Variants in R3HDM1 observed in about 807,000 individuals in gnomAD.
R3HDM1 encodes the protein R3H domain containing 1, also known as R3H domain-containing protein 1.
A neutral mutation model predicts 141.1 loss-of-function variants in R3HDM1; 46 were observed. The observed-to-expected ratio is 0.33, with a 90% CI of 0.26 to 0.42. The LOEUF is 0.42. Ranked by LOEUF, R3HDM1 falls within the 10% of genes least tolerant of loss-of-function variation. R3HDM1 has a pLI of 1.00. For synonymous variants in R3HDM1, 435 were observed against 472.9 expected (o/e 0.92, Z 1.04); for missense variants, 1,184 against 1,368.3 (o/e 0.87, Z 2.12).
At chr2:135,573,889 A>T (rs1484747129) in intron 1 of R3HDM1, among the ~76,000 whole-genome samples, 1 of 152,168 alleles carries the variant, frequency 6.6e-6, no homozygotes, top group Non-Finnish European at 1.5e-5. Flanking sequence ...GTGCTTTAAT[A>T]AAAAAATTTA....
rs202048513 is a variant in R3HDM1 at position 135,538,939 on chromosome 2, TGTTG to T, written c.-250+7307_-250+7310del. On this transcript the variant is annotated intron_variant, in intron 1 of 26. Transcript: ENST00000683871. ...TAAAAGTTTTTGTTGTTGTTGTTGT[TGTTG>T]TTGTTTTTCCTTTAAAATTTTTTGT... Among the ~76,000 whole-genome samples, 453 of 152,292 alleles carry T rather than the reference TGTTG, an allele frequency of 3.0e-3. 3 individuals carry two copies. Among genetic ancestry groups the T allele is most frequent in the African/African-American group, 0.01 (422 of 41,564 alleles).
chr2:135,556,964 T>A (rs931945593), intron 1 of R3HDM1, among the ~76,000 whole-genome samples: 3 of 152,222 alleles, frequency 2.0e-5, no homozygotes, highest in East Asian at 1.9e-4. Context: ...CCTTTTTTTT[T>A]AAACCCAAAG....
At chr2:135,558,060 A>G (rs953261496) in intron 1 of R3HDM1, among the ~76,000 whole-genome samples, 4 of 152,242 alleles carry the variant, frequency 2.6e-5, no homozygotes, top group African/African-American at 9.6e-5. Flanking sequence ...GTAATAAAAC[A>G]TTAGAAATAT....
intron 1 of R3HDM1, among the ~76,000 whole-genome samples, chr2:135,600,089 A>G (rs2059498019): frequency 1.3e-5 from 2 of 149,534 alleles, no homozygotes; most frequent in South Asian, 2.1e-4. Context: ...GGAGAAGAAT[A>G]CAAAGTTCGT....
chr2:135,564,531 C>A (rs1475149146), intron 1 of R3HDM1, among the ~76,000 whole-genome samples: 1 of 152,106 alleles, frequency 6.6e-6, no homozygotes, highest in African/African-American at 2.4e-5. Flanking sequence ...TTTGACCAAG[C>A]TGGTCTTAAA....
Position 135,714,947 on chromosome 2 carries a change from A to G in R3HDM1, c.2737-603A>G, listed in dbSNP as rs572251848. ...GTTCGCTGTATGTATTCTCTCATGC[A>G]AAAGTATCGGCAATATTATTGCCAA... On this transcript the variant is annotated intron_variant, in intron 23 of 26. Transcript: ENST00000683871. Among the ~76,000 whole-genome samples, 4 of 152,340 alleles carry G rather than the reference A, an allele frequency of 2.6e-5. No homozygotes were observed. The South Asian group carries it at 8.3e-4, about 32-fold the overall frequency.
At chr2:135,555,758 GC>G (rs2104942179) in intron 1 of R3HDM1, among the ~76,000 whole-genome samples, 1 of 152,298 alleles carries the variant, frequency 6.6e-6, no homozygotes, top group South Asian at 2.1e-4. Context: ...CAGGCGAGTG[GC>G]TCATATCTGT....
intron 24 of R3HDM1, 101 bp downstream of exon 24, chr2:135,715,795 T>A (rs1485334571): frequency 1.4e-6 from 2 of 1,401,088 alleles, no homozygotes; most frequent in Admixed American, 4.4e-5. Context: ...CTATTTTCCA[T>A]AGAGCTGCAT....
At chr2:135,620,543 A>G (rs991360945) in intron 5 of R3HDM1, 1 of 984,146 alleles carries the variant, frequency 1.0e-6, no homozygotes, top group African/African-American at 1.7e-5. Flanking sequence ...TGAATTAAGA[A>G]GAAGAAAAGA....
chr2:135,712,166 A>G (rs1037216941), intron 23 of R3HDM1, among the ~76,000 whole-genome samples: 11 of 152,202 alleles, frequency 7.2e-5, no homozygotes, highest in African/African-American at 2.6e-4. Flanking sequence ...TTGAAATTTT[A>G]TAGAATTAAA....
chr2:135,624,087 C>G (rs2061760629), intron 7 of R3HDM1, among the ~76,000 whole-genome samples: 1 of 152,074 alleles, frequency 6.6e-6, no homozygotes, highest in Non-Finnish European at 1.5e-5. Flanking sequence ...AGGCATGTGG[C>G]AAGTTATTCT....
rs75189184 is a variant in R3HDM1, at chr2:135,539,370, G to A, written c.-250+7737G>A. On this transcript the variant is annotated intron_variant, in intron 1 of 26. Transcript: ENST00000683871. ...TTTACACCAGCATCACCATAAACAC[G>A]TGAGTAATGTGTTGTGTTATGAAGG... 3.0e-3 allele frequency among the ~76,000 whole-genome samples: 453 copies of A among 152,268 alleles called. 2 individuals carry two copies. Among genetic ancestry groups the A allele is most frequent in the African/African-American group, 0.01 (428 of 41,556 alleles).
chr2:135,699,057 A>ATTGAT (rs60699254), intron 21 of R3HDM1, among the ~76,000 whole-genome samples: 3 of 136,370 alleles, frequency 2.2e-5, no homozygotes, highest in Non-Finnish European at 3.2e-5. Context: ...GATAGATAAG[A>ATTGAT]TAGATTGATT....
chr2:135,588,965 GAA>G (rs1708586538), intron 1 of R3HDM1, among the ~76,000 whole-genome samples: 1 of 152,040 alleles, frequency 6.6e-6, no homozygotes, highest in Admixed American at 6.6e-5. Context: ...AGAAAGTTGC[GAA>G]AACAGTACAG....
At chr2:135,569,601 T>A (rs1703599051) in intron 1 of R3HDM1, among the ~76,000 whole-genome samples, 1 of 152,208 alleles carries the variant, frequency 6.6e-6, no homozygotes, top group Admixed American at 6.5e-5. Context: ...ACTGGTTGTG[T>A]GACCTTAAAC....
intron 1 of R3HDM1, among the ~76,000 whole-genome samples, chr2:135,572,757 CAA>C (rs774114230): frequency 6.6e-6 from 1 of 152,186 alleles, no homozygotes; most frequent in Non-Finnish European, 1.5e-5. Context: ...GGAAACAAGA[CAA>C]ATGTTATCAG....
At chr2:135,638,238 A>G (rs1376123365) in intron 11 of R3HDM1, among the ~76,000 whole-genome samples, 3 of 152,340 alleles carry the variant, frequency 2.0e-5, no homozygotes, top group South Asian at 4.1e-4. Flanking sequence ...AGGCATAGCT[A>G]CTTGTTCACT....
chr2:135,608,378 GC>G (rs1238898101), intron 3 of R3HDM1, among the ~76,000 whole-genome samples: 1 of 151,900 alleles, frequency 6.6e-6, no homozygotes, highest in African/African-American at 2.4e-5. Context: ...CCTGCTTTGA[GC>G]TTTTGAGGCC....
At chr2:135,684,694 A>G (rs2071021881) in intron 21 of R3HDM1, among the ~76,000 whole-genome samples, 1 of 151,832 alleles carries the variant, frequency 6.6e-6, no homozygotes, top group South Asian at 2.1e-4. Context: ...ACACGCATAA[A>G]TACTCATATG....
Sources: gnomAD v4.1 joint callset for allele counts (sites outside exome capture counted in the v4.1 genomes callset) on GRCh38, gnomAD v4.1.1 for gene constraint, MANE v1.5 for transcripts, NCBI Gene and HGNC (gene_info 2026-07-23, HGNC 2026-07-21) for gene names.